Variants in RABEP1 observed in about 807,000 individuals in gnomAD.
RABEP1 encodes rabaptin, RAB GTPase binding effector protein 1, also known as rab GTPase-binding effector protein 1.
RABEP1 carries 51 observed loss-of-function variants against 123.4 expected under a neutral mutation model. The ratio of observed to expected loss-of-function variants is 0.41; its 90% CI spans 0.33 to 0.52. The LOEUF (loss-of-function observed/expected upper bound fraction) is 0.52, where lower values mean the gene tolerates loss of function less well. RABEP1 is among the 20% of genes least tolerant of loss of function. RABEP1 has a pLI of 0.16. For missense variants in RABEP1, 888 were observed against 996.3 expected (o/e 0.89, Z 1.46); for synonymous variants, 347 against 355.2 (o/e 0.98, Z 0.26).
At chr17:5,377,409 A>G (rs911196824) in intron 14 of RABEP1, 104 bp downstream of exon 14, 22 of 884,540 alleles carry the variant, frequency 2.5e-5, no homozygotes, top group Non-Finnish European at 3.3e-5. Context: ...AAAGCTTAGG[A>G]AAGAATTTAG....
chr17:5,349,746 T>C (rs1223007956), intron 6 of RABEP1, among the ~76,000 whole-genome samples: 1 of 152,132 alleles, frequency 6.6e-6, no homozygotes, highest in African/African-American at 2.4e-5. Context: ...CAAATAAATT[T>C]GGGAAAGGCT....
At chr17:5,329,341 C>A (rs1906292451) in intron 2 of RABEP1, among the ~76,000 whole-genome samples, 1 of 151,850 alleles carries the variant, frequency 6.6e-6, no homozygotes, top group Non-Finnish European at 1.5e-5. Flanking sequence ...ACAAGCCTGG[C>A]CAACAAGGCG....
rs763611431 is a variant in RABEP1 at position 5,335,357 on chromosome 17, G to A, written c.528+13G>A. On this transcript the variant is annotated intron_variant, in intron 4 of 17. Transcript: ENST00000537505. The stretch of plus-strand genomic sequence containing the variant: ...TGAAATGAAAAAGGTATGAAGGAAT[G>A]TGTTCATTTGTAGAAATATTTGAAT... 1 of 1,586,114 alleles carries A rather than the reference G, an allele frequency of 6.3e-7. No homozygotes were observed. Among genetic ancestry groups the A allele is most frequent in the Admixed American group, 1.7e-5 (1 of 57,824 alleles).
rs1209147460 is a variant in RABEP1 at position 5,282,299 on chromosome 17, C to G, written c.-188C>G. 1 of 411,066 alleles carries G rather than the reference C, an allele frequency of 2.4e-6. No individual in the cohort carries two copies. Among genetic ancestry groups the G allele is most frequent in the African/African-American group, 2.1e-5 (1 of 48,766 alleles). 25.5% of individuals were successfully genotyped at this position (411,066 alleles called of 1,614,324 possible). On this transcript the variant is annotated 5_prime_UTR_variant, in exon 1 of 18. Transcript: ENST00000537505. ...ATTTCCCGCTGTCAGGATGAGGAGG[C>G]GGAGGTCGGCGGTCGGGTCCGTCTC...
chr17:5,311,697 C>CAAAAAAAAAAAAAA (rs35876639), intron 2 of RABEP1, among the ~76,000 whole-genome samples: 1 of 70,864 alleles, frequency 1.4e-5, no homozygotes, highest in Non-Finnish European at 2.4e-5. Flanking sequence ...GACTTCATCT[C>CAAAAAAAAAAAAAA]AAAAAAAAAA....
chr17:5,337,725 C>T (rs1034063184), intron 4 of RABEP1, among the ~76,000 whole-genome samples: 1 of 151,886 alleles, frequency 6.6e-6, no homozygotes, highest in Non-Finnish European at 1.5e-5. Flanking sequence ...TGTGTATTTC[C>T]TTTTATATAT....
In RABEP1 at chr17:5,383,257, G is replaced by A. The variant is rs770400423; in HGVS notation, c.*34G>A. On this transcript the variant is annotated 3_prime_UTR_variant, in exon 18 of 18. Coordinates refer to ENST00000537505, the MANE Select transcript of RABEP1 (RefSeq NM_004703.6). Reference sequence around the variant, plus strand: ...TGGCAGGATTCTAGCCTGCACTTTGGGTTTTTAACTCATCTTTAGAGCAAC... The same window carrying A: ...TGGCAGGATTCTAGCCTGCACTTTGAGTTTTTAACTCATCTTTAGAGCAAC... The A allele has an allele frequency of 4.5e-6, 7 of 1,539,638 alleles. No homozygotes were observed. In the South Asian group the frequency reaches 7.8e-5, roughly 17 times the overall value.
At position 5,364,818 on chromosome 17, in the gene RABEP1, G is replaced by T. The variant is rs72634029; in HGVS notation, c.1669-304G>T. On this transcript the variant is annotated intron_variant, in intron 10 of 17. Coordinates refer to ENST00000537505, the MANE Select transcript of RABEP1 (RefSeq NM_004703.6). ...TTATAAAATTTCTGGTGTTAGTGTG[G>T]ATTGTAGACTGGAGACAGAGGATAC... is the stretch of plus-strand genomic sequence containing the variant. Among the ~76,000 whole-genome samples the T allele has an allele frequency of 0.12, 18,868 of 152,046 alleles. 1,864 individuals carry two copies. The highest frequency in any genetic ancestry group is 0.48 in the East Asian group (2,485 of 5,178).
intron 2 of RABEP1, among the ~76,000 whole-genome samples, chr17:5,328,675 G>A (rs1179772357): frequency 2.3e-5 from 3 of 130,026 alleles, no homozygotes; most frequent in East Asian, 2.2e-4. Flanking sequence ...AAAAAAAGCC[G>A]GGCGCAGTGG....
chr17:5,327,180 T>C (rs941899609), intron 2 of RABEP1, among the ~76,000 whole-genome samples: 25 of 152,208 alleles, frequency 1.6e-4, no homozygotes, highest in African/African-American at 5.8e-4. Context: ...ACACTCCGTC[T>C]TTACCCAAAA....
rs3026116 is a variant in RABEP1 at position 5,383,230 on chromosome 17, C to G, written c.*7C>G. Reference sequence around the variant, plus strand: ...CCAGCTTCCTGAGACATGACACCCTCATGGCAGGATTCTAGCCTGCACTTT... The same window carrying G: ...CCAGCTTCCTGAGACATGACACCCTGATGGCAGGATTCTAGCCTGCACTTT... On this transcript the variant is annotated 3_prime_UTR_variant, in exon 18 of 18. Transcript: ENST00000537505. The G allele has an allele frequency of 8.2e-3, 13,206 of 1,610,806 alleles. 839 individuals are homozygous for G. The African/African-American group carries it at 0.14, about 18-fold the overall frequency.
chr17:5,334,655 A>G (rs1906889334), intron 3 of RABEP1, among the ~76,000 whole-genome samples: 1 of 152,182 alleles, frequency 6.6e-6, no homozygotes. Context: ...TGTGTGAGCC[A>G]CTATGCCCGG....
At chr17:5,372,539 C>G (rs1415745094) in intron 12 of RABEP1, among the ~76,000 whole-genome samples, 1 of 152,192 alleles carries the variant, frequency 6.6e-6, no homozygotes, top group Admixed American at 6.5e-5. Flanking sequence ...CCTGCTGGGC[C>G]ATTCACAGTG....
At chr17:5,361,164 G>A (rs757472168) in intron 8 of RABEP1, 44 bp from the exon 9 acceptor site, 1 of 1,524,642 alleles carries the variant, frequency 6.6e-7, no homozygotes, top group Non-Finnish European at 8.9e-7. Context: ...CTTTAAAAAC[G>A]CAGAGAATTG....
intron 2 of RABEP1, among the ~76,000 whole-genome samples, chr17:5,323,133 C>A (rs1905551308): frequency 6.6e-6 from 1 of 152,142 alleles, no homozygotes; most frequent in African/African-American, 2.4e-5. Context: ...AGATGCTGCA[C>A]AAGCATTCAG....
At chr17:5,330,939 G>A (rs1450580368) in intron 2 of RABEP1, among the ~76,000 whole-genome samples, 2 of 151,332 alleles carry the variant, frequency 1.3e-5, no homozygotes, top group African/African-American at 2.4e-5. Context: ...TGGGGGGATC[G>A]CTTGAGCCCA....
intron 2 of RABEP1, among the ~76,000 whole-genome samples, chr17:5,316,696 G>A (rs2075299873): frequency 6.6e-6 from 1 of 150,694 alleles, no homozygotes; most frequent in African/African-American, 2.4e-5. Flanking sequence ...AGCTGGGCGT[G>A]GTGGCAGGCG....
At chr17:5,318,816 C>T (rs2075323532) in intron 2 of RABEP1, among the ~76,000 whole-genome samples, 1 of 152,178 alleles carries the variant, frequency 6.6e-6, no homozygotes, top group African/African-American at 2.4e-5. Flanking sequence ...TTGACAGTAT[C>T]TTAGCAAATC....
At chr17:5,355,778 T>A (rs1039350448) in intron 8 of RABEP1, among the ~76,000 whole-genome samples, 14 of 152,316 alleles carry the variant, frequency 9.2e-5, no homozygotes, top group Admixed American at 7.8e-4. Context: ...TTAAAAAAAA[T>A]TTTAGTAGAC....
Sources: gnomAD v4.1 joint callset for allele counts (sites outside exome capture counted in the v4.1 genomes callset) on GRCh38, gnomAD v4.1.1 for gene constraint, MANE v1.5 for transcripts, NCBI Gene and HGNC (gene_info 2026-07-23, HGNC 2026-07-21) for gene names.